Variants in CCDC73 observed in about 807,000 individuals in gnomAD.
CCDC73 encodes the protein coiled-coil domain containing 73, also known as coiled-coil domain-containing protein 73.
In CCDC73, 95 loss-of-function variants were observed where a neutral mutation model predicts 116.5. The observed-to-expected ratio is 0.82, with a 90% CI of 0.69 to 0.97. The LOEUF (loss-of-function observed/expected upper bound fraction) is 0.97. Ranked by LOEUF, CCDC73 falls within the 50% of genes least tolerant of loss-of-function variation. The pLI is 0.00. For synonymous variants in CCDC73, 398 were observed against 401.3 expected, an observed-to-expected ratio of 0.99 and a Z score of 0.10; for missense variants, 1,066 against 1,206.8, an observed-to-expected ratio of 0.88 and a Z score of 1.73.
At chr11:32,647,260 C>T (rs1379641153) in intron 12 of CCDC73, among the ~76,000 whole-genome samples, 1 of 152,164 alleles carries the variant, frequency 6.6e-6, no homozygotes, top group Non-Finnish European at 1.5e-5. Flanking sequence ...GAAGTGGGAG[C>T]TTGCACATCA....
chr11:32,641,930 C>G (rs1379310790), intron 13 of CCDC73, 42 bp downstream of exon 13: 2 of 1,258,088 alleles, frequency 1.6e-6, no homozygotes, highest in East Asian at 6.0e-5. Context: ...ATGTCTAAAA[C>G]TATTTAAAAT....
chr11:32,685,639 A>G (rs1026760633), intron 6 of CCDC73, among the ~76,000 whole-genome samples: 1 of 151,134 alleles, frequency 6.6e-6, no homozygotes, highest in African/African-American at 2.4e-5. Flanking sequence ...TATGTGTGAT[A>G]TGGATTTGGT....
At chr11:32,718,428 C>A (rs190268110) in intron 2 of CCDC73, among the ~76,000 whole-genome samples, 1 of 152,070 alleles carries the variant, frequency 6.6e-6, no homozygotes, top group African/African-American at 2.4e-5. Flanking sequence ...GAAGCTTCAA[C>A]GAAAAGTCCT....
At position 32,602,903 on chromosome 11, in the gene CCDC73, T is replaced by C. The variant is rs1436699225; in HGVS notation, c.3148A>G (p.Lys1050Glu). ...WQSLITNQLN[K>E]SENLLSLEND... ...TCTAAACTTAGTAAATTTTCACTTTTATTTAGTTGATTCGTAATGAGGCTC... is the reference window on the plus strand; with the variant it reads ...TCTAAACTTAGTAAATTTTCACTTTCATTTAGTTGATTCGTAATGAGGCTC... The change falls in exon 18 of 18, where the codon AAA becomes GAA. Residue 1050 changes from lysine (K) to glutamate (E), a missense_variant. Lys to Glu is a moderately conservative substitution (Grantham distance 56). Transcript: ENST00000335185. 1.9e-6 allele frequency: 3 copies of C among 1,612,396 alleles called. No homozygotes were observed. The East Asian group carries it at 6.7e-5, about 36-fold the overall frequency.
chr11:32,688,436 A>G (rs1007731680), intron 6 of CCDC73, among the ~76,000 whole-genome samples: 3 of 152,228 alleles, frequency 2.0e-5, no homozygotes, highest in African/African-American at 4.8e-5. Flanking sequence ...GAAAGAGATT[A>G]AAGAGCTATG....
chr11:32,675,508 T>A, intron 9 of CCDC73, 57 bp downstream of exon 9: 1 of 1,115,616 alleles, frequency 9.0e-7, no homozygotes, highest in Middle Eastern at 2.8e-4. Context: ...TAATAGCGCA[T>A]AAGACTATTT....
intron 6 of CCDC73, among the ~76,000 whole-genome samples, chr11:32,692,497 TTAATA>T (rs560212031): frequency 5.8e-4 from 88 of 152,166 alleles, no homozygotes; most frequent in Non-Finnish European, 1.1e-3. Flanking sequence ...ATAAGAGGAA[TTAATA>T]TAATATATAA....
intron 2 of CCDC73, among the ~76,000 whole-genome samples, chr11:32,733,561 C>T (rs1565087852): frequency 6.6e-6 from 1 of 152,176 alleles, no homozygotes; most frequent in Non-Finnish European, 1.5e-5. Flanking sequence ...GAAATTATAA[C>T]AAACTGTCTC....
At chr11:32,797,838 T>C (rs912186219), upstream of CCDC73, among the ~76,000 whole-genome samples, 1 of 152,144 alleles carries the variant, frequency 6.6e-6, no homozygotes, top group Non-Finnish European at 1.5e-5. Flanking sequence ...AAAATCCACA[T>C]TGGTAAAATG....
intron 9 of CCDC73, among the ~76,000 whole-genome samples, chr11:32,655,269 A>G (rs1855861872): frequency 6.6e-6 from 1 of 152,238 alleles, no homozygotes. Flanking sequence ...TTAAACAAAT[A>G]CCTTCTGAGA....
In CCDC73 at chr11:32,675,577, G is replaced by C; in HGVS notation, c.633C>G (p.Cys211Trp). 3 of 1,572,194 alleles carry C rather than the reference G, an allele frequency of 1.9e-6. No homozygotes were observed. Among genetic ancestry groups the C allele is most frequent in the Non-Finnish European group, 2.6e-6 (3 of 1,156,534 alleles). Residue 211 changes from cysteine to tryptophan, a missense_variant, in exon 9 of 18, where the codon TGC becomes TGG. Cys to Trp is a radical substitution (Grantham distance 215). Coordinates refer to ENST00000335185, the MANE Select transcript of CCDC73 (RefSeq NM_001008391.4). ...GTATCAATCATACCTTCTTTAAACT[G>C]CATATTTCAGCTTCTTGTTTTTTAT... ...ALNKKQEAEICSLKKELKKAA... is the reference protein window; with the variant it reads ...ALNKKQEAEIWSLKKELKKAA...
rs1255085094 is a variant in CCDC73 at position 32,602,889 on chromosome 11, T to C, written c.3162A>G (p.Leu1054=). 6.2e-7 allele frequency: 1 copy of C among 1,611,950 alleles called. No homozygotes were observed. Among genetic ancestry groups the C allele is most frequent in the African/African-American group, 1.3e-5 (1 of 74,914 alleles). ...ITNQLNKSEN[L]LSLENDNQPK... is the part of the protein sequence containing the mutation. ...GCTGGTTGTCATTTTCTAAACTTAG[T>C]AAATTTTCACTTTTATTTAGTTGAT... The change falls in exon 18 of 18, where the codon TTA becomes TTG. Residue 1054 remains leucine (L), a synonymous_variant. Transcript: ENST00000335185.
At chr11:32,638,389 C>A (rs991378548) in intron 13 of CCDC73, among the ~76,000 whole-genome samples, 2 of 152,218 alleles carry the variant, frequency 1.3e-5, no homozygotes, top group Admixed American at 1.3e-4. Context: ...TCCAATGTCA[C>A]ATTTCACACA....
In CCDC73 at chr11:32,741,343, C is replaced by T. The variant is rs78543615; in HGVS notation, c.135+18766G>A. On this transcript the variant is annotated intron_variant, in intron 2 of 17. Coordinates refer to ENST00000335185, the MANE Select transcript of CCDC73 (RefSeq NM_001008391.4). ...TCTAGTAACATTTGTTTTAAACATA[C>T]GGGTGCTCCAGTGTTAATGCATATA... is the stretch of plus-strand genomic sequence containing the variant. 5.6e-3 allele frequency among the ~76,000 whole-genome samples: 855 copies of T among 152,192 alleles called. 2 individuals are homozygous for T. The highest frequency in any genetic ancestry group is 0.01 in the Non-Finnish European group (697 of 67,972).
At chr11:32,793,097 C>G (rs964944289) in intron 1 of CCDC73, among the ~76,000 whole-genome samples, 1 of 152,190 alleles carries the variant, frequency 6.6e-6, no homozygotes, top group Non-Finnish European at 1.5e-5. Context: ...ATCTGTCATT[C>G]GCTTCCTTCC....
chr11:32,618,876 G>T (rs533063882), intron 14 of CCDC73, among the ~76,000 whole-genome samples: 1 of 151,916 alleles, frequency 6.6e-6, no homozygotes, highest in African/African-American at 2.4e-5. Context: ...TAGTCATTCC[G>T]ACTGGTGTGA....
intron 2 of CCDC73, among the ~76,000 whole-genome samples, chr11:32,757,051 T>A (rs935537498): frequency 3.9e-5 from 6 of 152,130 alleles, no homozygotes; most frequent in Non-Finnish European, 8.8e-5. Context: ...TAGGTATCCA[T>A]AACTATGTTA....
intron 13 of CCDC73, among the ~76,000 whole-genome samples, chr11:32,637,068 G>A (rs1396820081): frequency 7.7e-6 from 1 of 129,238 alleles, no homozygotes; most frequent in Admixed American, 9.0e-5. Context: ...TGCCCAGGCT[G>A]GAGTGCAGTG....
intron 2 of CCDC73, among the ~76,000 whole-genome samples, chr11:32,719,538 C>T (rs1010382925): frequency 4.6e-5 from 7 of 152,186 alleles, no homozygotes; most frequent in East Asian, 1.9e-4. Context: ...ATTTCCAGAG[C>T]TGCCATATAT....
Sources: allele counts gnomAD v4.1 joint callset (sites outside exome capture counted in the v4.1 genomes callset), GRCh38; gene constraint gnomAD v4.1.1; transcripts MANE v1.5; gene names NCBI Gene and HGNC (gene_info 2026-07-23, HGNC 2026-07-21).